The following ZNF654 variants were observed in gnomAD, a reference collection of about 807,000 sequenced individuals.
ZNF654 encodes melanoma-associated antigen.
A neutral mutation model predicts 95.3 loss-of-function variants in ZNF654; 19 were observed. The observed-to-expected ratio is 0.20, with a 90% CI of 0.14 to 0.29. ZNF654 has a LOEUF of 0.29. ZNF654 is among the 10% of genes least tolerant of loss of function. The probability of loss-of-function intolerance (pLI) is 1.00; values close to 1 mark genes in which losing one functional copy is unlikely to be tolerated. For missense variants in ZNF654, 1,046 were observed against 1,341.0 expected (o/e 0.78, Z 3.44); for synonymous variants, 413 against 457.9 (o/e 0.90, Z 1.25).
At chr3:88,126,024 T>C (rs1243561631) in intron 3 of ZNF654, 110 bp from the exon 4 acceptor site, 10 of 1,173,328 alleles carry the variant, frequency 8.5e-6, no homozygotes, top group Non-Finnish European at 1.0e-5. Context: ...TTCTCTTTTA[T>C]AATTTAATAG....
chr3:88,126,495 A>C (rs1706105257), intron 4 of ZNF654, among the ~76,000 whole-genome samples: 1 of 152,014 alleles, frequency 6.6e-6, no homozygotes, highest in Non-Finnish European at 1.5e-5. Context: ...CAGTGGTAAC[A>C]CATCTACTAG....
Position 88,113,102 on chromosome 3 carries a change from T to C in ZNF654, c.333-13T>C. On this transcript the variant is annotated splice_polypyrimidine_tract_variant and intron_variant, in intron 2 of 8. Coordinates refer to ENST00000636215, the MANE Select transcript of ZNF654 (RefSeq NM_001350134.2). ...CAAAGAAGCAATGAAAGTTATTCAC[T>C]TATTCTTTCTAGGAGTTTCTTTGAG... The C allele has an allele frequency of 6.6e-7, 1 of 1,516,516 alleles. No homozygotes were observed. Among genetic ancestry groups the C allele is most frequent in the African/African-American group, 1.4e-5 (1 of 72,570 alleles). 93.9% of individuals were successfully genotyped at this position (1,516,516 alleles called of 1,614,324 possible).
chr3:88,092,251 T>G (rs1703786296), intron 2 of ZNF654, among the ~76,000 whole-genome samples: 1 of 152,218 alleles, frequency 6.6e-6, no homozygotes. Context: ...TAACAATTAC[T>G]GCATAATTAT....
At chr3:88,128,527 G>A (rs894802574) in intron 4 of ZNF654, among the ~76,000 whole-genome samples, 1 of 151,830 alleles carries the variant, frequency 6.6e-6, no homozygotes, top group African/African-American at 2.4e-5. Flanking sequence ...TTAATGAACT[G>A]AAAGAAGAAA....
At chr3:88,101,411 G>A (rs922131993) in intron 2 of ZNF654, among the ~76,000 whole-genome samples, 1 of 152,066 alleles carries the variant, frequency 6.6e-6, no homozygotes, top group Non-Finnish European at 1.5e-5. Flanking sequence ...TAGAGCAAGT[G>A]AAAATATTTA....
At position 88,139,957 on chromosome 3, in the gene ZNF654, T is replaced by C; in HGVS notation, c.2288T>C (p.Leu763Pro). 6.2e-7 allele frequency: 1 copy of C among 1,613,736 alleles called. No homozygotes were observed. The highest frequency in any genetic ancestry group is 8.5e-7 in the Non-Finnish European group (1 of 1,179,812). Reference sequence around the variant, plus strand: ...CGGATATTTAAAAGAATTGGGTTTCTAAATAAACATGCAATGACCGTACAT... The same window carrying C: ...CGGATATTTAAAAGAATTGGGTTTCCAAATAAACATGCAATGACCGTACAT... ...CVRIFKRIGF[L>P]NKHAMTVHPT... The change falls in exon 8 of 9, where the codon CTA becomes CCA. Residue 763 changes from leucine (L) to proline (P), a missense_variant. Physicochemically the swap from Leu to Pro is moderately conservative, Grantham distance 98. This residue lies in a region of ZNF654 where 495 missense variants were observed against 537.0 expected (regional missense o/e 0.92). Transcript: ENST00000636215.
At chr3:88,095,629 C>A in intron 2 of ZNF654, 1 of 512,546 alleles carries the variant, frequency 2.0e-6, no homozygotes, top group South Asian at 1.4e-5. Context: ...AGTCTTATCT[C>A]GAAGCCCCAA....
At chr3:88,130,144 C>G (rs1706359470) in intron 6 of ZNF654, among the ~76,000 whole-genome samples, 1 of 152,008 alleles carries the variant, frequency 6.6e-6, no homozygotes, top group Non-Finnish European at 1.5e-5. Context: ...GCAGGTTTAC[C>G]TAGCAATCAT....
At chr3:88,073,489 G>A (rs1017719057) in intron 1 of ZNF654, among the ~76,000 whole-genome samples, 4 of 152,140 alleles carry the variant, frequency 2.6e-5, no homozygotes, top group African/African-American at 9.7e-5. Flanking sequence ...AGCTATCGAA[G>A]TATCCCAGAA....
At chr3:88,097,947 T>G (rs1704165383) in intron 2 of ZNF654, among the ~76,000 whole-genome samples, 1 of 151,634 alleles carries the variant, frequency 6.6e-6, no homozygotes, top group South Asian at 2.1e-4. Flanking sequence ...GCAAACAAAT[T>G]CAAAAGCTAG....
At chr3:88,103,500 T>C (rs895934811) in intron 2 of ZNF654, among the ~76,000 whole-genome samples, 3 of 152,124 alleles carry the variant, frequency 2.0e-5, no homozygotes, top group Non-Finnish European at 2.9e-5. Flanking sequence ...TAAAACTGTA[T>C]AACATGTCTA....
chr3:88,140,027 A>T lies in ZNF654; in HGVS notation c.2358A>T (p.Lys786Asn). 1 of 1,613,806 alleles carries T rather than the reference A, an allele frequency of 6.2e-7. No homozygotes were observed. The highest frequency in any genetic ancestry group is 8.5e-7 in the Non-Finnish European group (1 of 1,179,772). ...NVRQTVMKWSKGKCKFCQRQF... is the reference protein window; with the variant it reads ...NVRQTVMKWSNGKCKFCQRQF... ...GACAAACAGTAATGAAGTGGAGCAA[A>T]GGAAAATGCAAATTTTGTCAAAGGC... The change falls in exon 8 of 9, where the codon AAA becomes AAT. Residue 786 changes from lysine (K) to asparagine (N), a missense_variant. Lys to Asn is a moderately conservative substitution (Grantham distance 94). Around this residue, in one of 9 missense-constraint regions of ZNF654, gnomAD observed 495 missense variants for 537.0 expected, o/e 0.92. Transcript: ENST00000636215.
At chr3:88,124,458 A>G (rs767066291) in intron 3 of ZNF654, among the ~76,000 whole-genome samples, 2 of 152,176 alleles carry the variant, frequency 1.3e-5, no homozygotes, top group Non-Finnish European at 2.9e-5. Context: ...TTCTTCTACT[A>G]CTTTCTTCTC....
intron 2 of ZNF654, among the ~76,000 whole-genome samples, chr3:88,089,193 A>G (rs1268984961): frequency 6.5e-3 from 60 of 9,210 alleles, no homozygotes; most frequent in Non-Finnish European, 0.028. Flanking sequence ...TTACGTATTA[A>G]AAAAAAAAAA....
intron 2 of ZNF654, among the ~76,000 whole-genome samples, chr3:88,096,787 G>A (rs1250872899): frequency 1.3e-5 from 2 of 151,914 alleles, no homozygotes; most frequent in Non-Finnish European, 2.9e-5. Context: ...AGATACCCTT[G>A]CCATTTACAT....
At chr3:88,077,546 G>A (rs370701518) in intron 1 of ZNF654, among the ~76,000 whole-genome samples, 20 of 152,100 alleles carry the variant, frequency 1.3e-4, no homozygotes, top group African/African-American at 4.8e-4. Flanking sequence ...TGTGTATGGG[G>A]AATCATTGTT....
intron 3 of ZNF654, among the ~76,000 whole-genome samples, chr3:88,120,572 A>G (rs1705706167): frequency 6.6e-6 from 1 of 152,156 alleles, no homozygotes; most frequent in Non-Finnish European, 1.5e-5. Context: ...GAAGACAAAC[A>G]TGAGTTTTAC....
chr3:88,119,609 A>G (rs1200048002), intron 3 of ZNF654, among the ~76,000 whole-genome samples: 3 of 151,680 alleles, frequency 2.0e-5, no homozygotes, highest in Non-Finnish European at 4.4e-5. Context: ...CTTAGGCAGC[A>G]CTGTGACCTG....
chr3:88,103,482 G>C (rs1252545876), intron 2 of ZNF654, among the ~76,000 whole-genome samples: 1 of 152,042 alleles, frequency 6.6e-6, no homozygotes, highest in Non-Finnish European at 1.5e-5. Context: ...TAAGAATTTA[G>C]GAAAATCTAA....
Sources: allele counts gnomAD v4.1 joint callset (sites outside exome capture counted in the v4.1 genomes callset), GRCh38; gene constraint gnomAD v4.1.1; regional missense constraint gnomAD v4.1.1; transcripts MANE v1.5; gene names NCBI Gene and HGNC (gene_info 2026-07-23, HGNC 2026-07-21).